The following ITFG1 variants were observed in gnomAD, a reference collection of about 807,000 sequenced individuals.
The protein encoded by ITFG1 is integrin alpha FG-GAP repeat containing 1, also known as T-cell immunomodulatory protein.
A neutral mutation model predicts 81.8 loss-of-function variants in ITFG1; 34 were observed. The observed-to-expected ratio is 0.42, with a 90% confidence interval of 0.32 to 0.55. ITFG1 has a LOEUF of 0.55. ITFG1 is among the 20% of genes least tolerant of loss of function. ITFG1 has a pLI of 0.17. For missense variants in ITFG1, 672 were observed against 755.4 expected (o/e 0.89, Z 1.29); for synonymous variants, 285 against 270.6 (o/e 1.05, Z -0.52).
chr16:47,417,689 T>C (rs941123179), intron 6 of ITFG1, among the ~76,000 whole-genome samples: 1 of 152,224 alleles, frequency 6.6e-6, no homozygotes, highest in Non-Finnish European at 1.5e-5. Flanking sequence ...TCAATACACA[T>C]GTTGATGCAA....
At chr16:47,442,659 C>T (rs1969268705) in intron 5 of ITFG1, among the ~76,000 whole-genome samples, 1 of 152,070 alleles carries the variant, frequency 6.6e-6, no homozygotes, top group Admixed American at 6.6e-5. Flanking sequence ...GAAAGGATTC[C>T]CCATTTAATA....
chr16:47,324,031 T>G (rs1967491116), intron 8 of ITFG1, among the ~76,000 whole-genome samples: 1 of 152,218 alleles, frequency 6.6e-6, no homozygotes, highest in South Asian at 2.1e-4. Flanking sequence ...TATGTGTATA[T>G]TTAACTATGC....
chr16:47,325,781 T>C (rs1441671209), intron 8 of ITFG1, among the ~76,000 whole-genome samples: 2 of 152,130 alleles, frequency 1.3e-5, no homozygotes, highest in South Asian at 2.1e-4. Flanking sequence ...CAGGAAGAAG[T>C]TGATTCTCTG....
intron 14 of ITFG1, among the ~76,000 whole-genome samples, chr16:47,176,953 CTTTTT>C (rs746522529): frequency 7.4e-6 from 1 of 135,196 alleles, no homozygotes; most frequent in Non-Finnish European, 1.6e-5. Flanking sequence ...TCTTCTTCTT[CTTTTT>C]TTTTTTTTTT....
intron 8 of ITFG1, among the ~76,000 whole-genome samples, chr16:47,350,779 C>G (rs545107199): frequency 2.0e-5 from 3 of 152,292 alleles, no homozygotes; most frequent in African/African-American, 7.2e-5. Flanking sequence ...AATTTTAGAC[C>G]AATATCCCTG....
intron 10 of ITFG1, among the ~76,000 whole-genome samples, chr16:47,309,999 C>T (rs897000209): frequency 6.6e-6 from 1 of 152,150 alleles, no homozygotes; most frequent in Non-Finnish European, 1.5e-5. Context: ...AAAAGAACAA[C>T]ACTCACGTTC....
intron 10 of ITFG1, among the ~76,000 whole-genome samples, chr16:47,293,613 A>AT (rs368353375): frequency 6.6e-6 from 1 of 151,908 alleles, no homozygotes; most frequent in African/African-American, 2.4e-5. Context: ...AGTAATGTAC[A>AT]TTTTTTTATG....
At chr16:47,294,246 T>C (rs1019097374) in intron 10 of ITFG1, among the ~76,000 whole-genome samples, 1 of 152,144 alleles carries the variant, frequency 6.6e-6, no homozygotes, top group Admixed American at 6.5e-5. Flanking sequence ...ACCAGTACTA[T>C]GTTTTGGTTA....
intron 10 of ITFG1, among the ~76,000 whole-genome samples, chr16:47,274,575 C>T (rs1966378029): frequency 6.6e-6 from 1 of 152,096 alleles, no homozygotes; most frequent in African/African-American, 2.4e-5. Context: ...CCTTAGGTGA[C>T]CCCAAGTGAC....
chr16:47,430,896 C>G (rs1045858773), intron 5 of ITFG1, among the ~76,000 whole-genome samples: 1 of 152,154 alleles, frequency 6.6e-6, no homozygotes, highest in Non-Finnish European at 1.5e-5. Flanking sequence ...GTGCTATTCA[C>G]AATAGCCCAC....
rs150769895 is a variant in ITFG1 at position 47,190,947 on chromosome 16, C to A, written c.1453+27921G>T. 4.6e-3 allele frequency among the ~76,000 whole-genome samples: 702 copies of A among 152,166 alleles called. 6 individuals are homozygous for A. Among genetic ancestry groups the A allele is most frequent in the Non-Finnish European group, 6.9e-3 (470 of 68,014 alleles). On this transcript the variant is annotated intron_variant, in intron 14 of 17. Coordinates refer to ENST00000320640, the MANE Select transcript of ITFG1 (RefSeq NM_030790.5). ...GGTCTTTCATCCTGAAGGAGAATAG[C>A]CTGGCTTTTTTCACATGCTATCTCA...
chr16:47,423,877 A>T (rs1457119784), intron 6 of ITFG1, among the ~76,000 whole-genome samples: 1 of 152,068 alleles, frequency 6.6e-6, no homozygotes, highest in Non-Finnish European at 1.5e-5. Flanking sequence ...CCTTCATTTC[A>T]ACCTTAGTGA....
chr16:47,432,514 A>G (rs1291990932), intron 5 of ITFG1, among the ~76,000 whole-genome samples: 1 of 152,216 alleles, frequency 6.6e-6, no homozygotes, highest in Admixed American at 6.5e-5. Flanking sequence ...AGCCTTCTAC[A>G]CATATTTTAG....
At position 47,180,665 on chromosome 16, in the gene ITFG1, G is replaced by A. The variant is rs554030133; in HGVS notation, c.1454-18001C>T. ...CTCCCGAGGTGCCGGGATTGCAGAC[G>A]GAGTCTCGTTCACTCAGTGCTCAAT... is the stretch of plus-strand genomic sequence containing the variant. On this transcript the variant is annotated intron_variant, in intron 14 of 17. Transcript: ENST00000320640. Among the ~76,000 whole-genome samples, 144 of 152,298 alleles carry A rather than the reference G, an allele frequency of 9.5e-4. 2 individuals are homozygous for A. Among genetic ancestry groups the A allele is most frequent in the African/African-American group, 3.1e-3 (127 of 41,528 alleles).
chr16:47,277,120 A>G (rs963984211), intron 10 of ITFG1, among the ~76,000 whole-genome samples: 1 of 152,196 alleles, frequency 6.6e-6, no homozygotes, highest in African/African-American at 2.4e-5. Context: ...CTGAGTTATC[A>G]TTACTATTGT....
At chr16:47,287,208 C>T (rs1966872937) in intron 10 of ITFG1, among the ~76,000 whole-genome samples, 3 of 152,086 alleles carry the variant, frequency 2.0e-5, no homozygotes, top group Admixed American at 1.3e-4. Context: ...GTTGTGTTAA[C>T]AGAAATGTTC....
chr16:47,371,793 A>C lies in ITFG1; in HGVS notation c.720+4083T>G, dbSNP rs192373514. 1.1e-3 allele frequency among the ~76,000 whole-genome samples: 172 copies of C among 152,304 alleles called. 1 individual carries two copies. The highest frequency in any genetic ancestry group is 1.9e-3 in the Non-Finnish European group (128 of 68,024). On this transcript the variant is annotated intron_variant, in intron 7 of 17. Coordinates refer to ENST00000320640, the MANE Select transcript of ITFG1 (RefSeq NM_030790.5). ...GAAGAGGTCAGGGACACTGCTAAAC[A>C]ATCGACAATGAACAAGACAGTTCTT...
At chr16:47,259,962 G>T (rs989794816) in intron 11 of ITFG1, among the ~76,000 whole-genome samples, 16 of 146,354 alleles carry the variant, frequency 1.1e-4, no homozygotes, top group Admixed American at 8.2e-4. Flanking sequence ...TTTTTGAGAC[G>T]GAGTCTTGCT....
intron 14 of ITFG1, among the ~76,000 whole-genome samples, chr16:47,207,657 A>G (rs1179296238): frequency 1.3e-5 from 2 of 152,206 alleles, no homozygotes; most frequent in Non-Finnish European, 2.9e-5. Context: ...ACAGATGCAG[A>G]GTTAAGAAGG....
Sources: allele counts gnomAD v4.1 joint callset (sites outside exome capture counted in the v4.1 genomes callset), GRCh38; gene constraint gnomAD v4.1.1; transcripts MANE v1.5; gene names NCBI Gene and HGNC (gene_info 2026-07-23, HGNC 2026-07-21).